The following RHOD variants were observed in gnomAD, a reference collection of about 807,000 sequenced individuals.
RHOD encodes the protein rho-related GTP-binding protein RhoD.
In RHOD, 11 loss-of-function variants were observed where a neutral mutation model predicts 16.7. The ratio of observed to expected loss-of-function variants is 0.66; its 90% CI spans 0.41 to 1.09. RHOD has a LOEUF of 1.09. Ranked by LOEUF, RHOD falls within the 50% of genes least tolerant of loss-of-function variation. RHOD has a pLI of 0.00. For synonymous variants in RHOD, 124 were observed against 126.3 expected (o/e 0.98, Z 0.12); for missense variants, 271 against 291.7 (o/e 0.93, Z 0.52).
At chr11:67,062,531 G>A (rs1456057397) in intron 1 of RHOD, among the ~76,000 whole-genome samples, 1 of 152,118 alleles carries the variant, frequency 6.6e-6, no homozygotes, top group Non-Finnish European at 1.5e-5. Context: ...TAGAGTCTGG[G>A]GTGGGGCCAG....
In RHOD at chr11:67,071,655, C is replaced by T. The variant is rs1224606465; in HGVS notation, c.*53C>T. On this transcript the variant is annotated 3_prime_UTR_variant, in exon 5 of 5. Coordinates refer to ENST00000308831, the MANE Select transcript of RHOD (RefSeq NM_014578.4). Reference sequence around the variant, plus strand: ...GAAGGGGCAGGGCGCTGACCTGCTGCTGAGCTGGCTGGGCTGGACCCGGTC... The same window carrying T: ...GAAGGGGCAGGGCGCTGACCTGCTGTTGAGCTGGCTGGGCTGGACCCGGTC... 6.7e-7 allele frequency: 1 copy of T among 1,490,666 alleles called. No individual in the cohort carries two copies. The highest frequency in any genetic ancestry group is 1.4e-5 in the African/African-American group (1 of 71,710). 92.3% of individuals were successfully genotyped at this position (1,490,666 alleles called of 1,614,324 possible).
At chr11:67,065,832 A>C in intron 1 of RHOD, 64 bp from the exon 2 acceptor site, 1 of 1,097,682 alleles carries the variant, frequency 9.1e-7, no homozygotes, top group Non-Finnish European at 1.4e-6. Flanking sequence ...CGCTGTGGAC[A>C]GACCAAGTCC....
Position 67,065,316 on chromosome 11 carries a change from C to T in RHOD, c.133-580C>T, listed in dbSNP as rs1854944767. On this transcript the variant is annotated intron_variant, in intron 1 of 4. Transcript: ENST00000308831. ...GTCTCAAACTCCTGACCTCATGATC[C>T]GCCCACTTCGGCCTCCCAAAGTGCT... is the stretch of plus-strand genomic sequence containing the variant. 3.3e-5 allele frequency among the ~76,000 whole-genome samples: 5 copies of T among 152,278 alleles called. No individual in the cohort carries two copies. In the South Asian group the frequency reaches 1.0e-3, roughly 32 times the overall value.
intron 2 of RHOD, among the ~76,000 whole-genome samples, chr11:67,066,238 T>C (rs983246973): frequency 1.3e-5 from 2 of 152,222 alleles, no homozygotes; most frequent in African/African-American, 4.8e-5. Flanking sequence ...TCAGGACTGT[T>C]CCTGGCCTTC....
intron 1 of RHOD, among the ~76,000 whole-genome samples, chr11:67,063,911 G>C (rs1266775565): frequency 6.9e-6 from 1 of 145,502 alleles, no homozygotes; most frequent in African/African-American, 2.6e-5. Flanking sequence ...TTCGAGACCA[G>C]CCTGACCAAC....
rs913557354 is a variant in RHOD, at chr11:67,071,798, G to C, written c.*196G>C. On this transcript the variant is annotated 3_prime_UTR_variant, in exon 5 of 5. Coordinates refer to ENST00000308831, the MANE Select transcript of RHOD (RefSeq NM_014578.4). ...TCCTGGGCCCACCTGCTCTGTGTAG[G>C]GCTCGTCCTGCGGTGCCCGAGAATC... is the stretch of plus-strand genomic sequence containing the variant. 8.8e-5 allele frequency: 48 copies of C among 545,538 alleles called. No homozygotes were observed. The highest frequency in any genetic ancestry group is 1.4e-4 in the African/African-American group (7 of 49,730). 33.8% of individuals were successfully genotyped at this position (545,538 alleles called of 1,614,324 possible).
intron 1 of RHOD, among the ~76,000 whole-genome samples, chr11:67,064,296 C>T (rs1415158837): frequency 1.3e-5 from 2 of 149,672 alleles, no homozygotes; most frequent in Non-Finnish European, 3.0e-5. Flanking sequence ...GTCCCAGCTA[C>T]TCAGGAGGCT....
chr11:67,057,521 G>T (rs1854827882), intron 1 of RHOD, among the ~76,000 whole-genome samples: 1 of 152,170 alleles, frequency 6.6e-6, no homozygotes, highest in Non-Finnish European at 1.5e-5. Flanking sequence ...ACTCAGCCCC[G>T]GCCTGTGCAC....
intron 3 of RHOD, among the ~76,000 whole-genome samples, chr11:67,069,547 C>T (rs1454869617): frequency 2.6e-5 from 4 of 151,932 alleles, no homozygotes; most frequent in African/African-American, 7.3e-5. Context: ...TTAGTAGAGA[C>T]GGGGTTTCCC....
At chr11:67,062,400 C>T (rs1854903887) in intron 1 of RHOD, among the ~76,000 whole-genome samples, 1 of 152,230 alleles carries the variant, frequency 6.6e-6, no homozygotes, top group African/African-American at 2.4e-5. Flanking sequence ...GTCACACTGC[C>T]CTGGCAAAGG....
rs1224111078 is a variant in RHOD, at chr11:67,065,954, C to G, written c.191C>G (p.Pro64Arg). ...YMVNLQVKGK[P>R]VHLHIWDTAG... Reference sequence around the variant, plus strand: ...GTCAACCTGCAAGTGAAAGGCAAACCTGTGCACCTCCACATCTGGGACACA... The same window carrying G: ...GTCAACCTGCAAGTGAAAGGCAAACGTGTGCACCTCCACATCTGGGACACA... The change falls in exon 2 of 5, where the codon CCT becomes CGT. Residue 64 changes from proline (P) to arginine (R), a missense_variant. Coordinates refer to ENST00000308831, the MANE Select transcript of RHOD (RefSeq NM_014578.4). 1 of 1,471,446 alleles carries G rather than the reference C, an allele frequency of 6.8e-7. No individual in the cohort carries two copies. The highest frequency in any genetic ancestry group is 1.8e-5 in the Admixed American group (1 of 55,330). 91.1% of individuals were successfully genotyped at this position (1,471,446 alleles called of 1,614,324 possible).
chr11:67,071,431 C>T lies in RHOD; in HGVS notation c.466-4C>T. 1 of 1,584,966 alleles carries T rather than the reference C, an allele frequency of 6.3e-7. No individual in the cohort carries two copies. The highest frequency in any genetic ancestry group is 8.6e-7 in the Non-Finnish European group (1 of 1,166,284). On this transcript the variant is annotated splice_polypyrimidine_tract_variant and splice_region_variant and intron_variant, in intron 4 of 4. Transcript: ENST00000308831. ...ACCGCAGCCCCATCCACCTCTCCCT[C>T]TAGGGCCAGGAGATGGCGAGGTCCG...
intron 1 of RHOD, among the ~76,000 whole-genome samples, chr11:67,059,865 G>A (rs193189480): frequency 1.6e-3 from 248 of 152,376 alleles, no homozygotes; most frequent in Admixed American, 3.2e-3. Context: ...GGAGGCTGGA[G>A]TCCCATCTCC....
In RHOD at chr11:67,065,967, C is replaced by T; in HGVS notation, c.204C>T (p.His68=). ...LQVKGKPVHL[H]IWDTAGQDDY... is the part of the protein sequence containing the mutation. ...TGAAAGGCAAACCTGTGCACCTCCA[C>T]ATCTGGGACACAGCAGGTGGGTGTG... Residue 68 remains histidine (H), a synonymous_variant, in exon 2 of 5, where the codon CAC becomes CAT. Transcript: ENST00000308831. The T allele has an allele frequency of 2.1e-6, 3 of 1,445,994 alleles. No homozygotes were observed. Among genetic ancestry groups the T allele is most frequent in the Non-Finnish European group, 1.9e-6 (2 of 1,055,438 alleles). 89.6% of individuals were successfully genotyped at this position (1,445,994 alleles called of 1,614,324 possible).
chr11:67,058,658 T>C (rs1283047518), intron 1 of RHOD, among the ~76,000 whole-genome samples: 4 of 152,134 alleles, frequency 2.6e-5, no homozygotes, highest in African/African-American at 9.7e-5. Flanking sequence ...TGGGGTTGTA[T>C]AGGTGCTGGA....
intron 1 of RHOD, among the ~76,000 whole-genome samples, chr11:67,062,786 GC>G (rs933634452): frequency 6.6e-5 from 10 of 152,192 alleles, no homozygotes; most frequent in African/African-American, 2.4e-4. Context: ...GAGGATAGGG[GC>G]CCCCCAGACT....
At chr11:67,060,667 T>A (rs901831806) in intron 1 of RHOD, among the ~76,000 whole-genome samples, 3 of 152,198 alleles carry the variant, frequency 2.0e-5, no homozygotes, top group African/African-American at 4.8e-5. Context: ...AGTCATTTCC[T>A]CTCTCTGGGC....
chr11:67,057,636 G>A (rs1024717724), intron 1 of RHOD, among the ~76,000 whole-genome samples: 8 of 152,244 alleles, frequency 5.3e-5, no homozygotes, highest in Non-Finnish European at 8.8e-5. Flanking sequence ...GCCTTGGAGG[G>A]TGGGAGCACG....
At chr11:67,064,386 CAG>C (rs1854933704) in intron 1 of RHOD, among the ~76,000 whole-genome samples, 2 of 133,136 alleles carry the variant, frequency 1.5e-5, no homozygotes, top group African/African-American at 5.7e-5. Context: ...GCCTGGGTGA[CAG>C]AGTGAGACTC....
Sources: allele counts gnomAD v4.1 joint callset (sites outside exome capture counted in the v4.1 genomes callset), GRCh38; gene constraint gnomAD v4.1.1; transcripts MANE v1.5; gene names NCBI Gene and HGNC (gene_info 2026-07-23, HGNC 2026-07-21).